SCN9A: variants seen among roughly 807,000 people sequenced by gnomAD.
SCN9A encodes sodium voltage-gated channel alpha subunit 9.
In SCN9A, 131 loss-of-function variants were observed where a neutral mutation model predicts 187.0. That is an observed-to-expected ratio of 0.70 (90% CI 0.61 to 0.81). SCN9A has a LOEUF of 0.81. SCN9A is among the 30% of genes least tolerant of loss of function. The probability of loss-of-function intolerance (pLI) is 0.00; values close to 1 mark genes in which losing one functional copy is unlikely to be tolerated. For synonymous variants in SCN9A, 809 were observed against 808.6 expected, an observed-to-expected ratio of 1.00 and a Z score of -0.01; for missense variants, 2,252 against 2,396.6, an observed-to-expected ratio of 0.94 and a Z score of 1.26.
intron 1 of SCN9A, among the ~76,000 whole-genome samples, chr2:166,324,503 T>C (rs4132347): frequency 1.2e-3 from 183 of 152,282 alleles, no homozygotes; most frequent in Non-Finnish European, 1.6e-3. Flanking sequence ...ATAGTGATTT[T>C]TTCCTGCAGG....
chr2:166,353,772 G>T (rs1700093592), intron 1 of SCN9A, among the ~76,000 whole-genome samples: 1 of 152,024 alleles, frequency 6.6e-6, no homozygotes, highest in Non-Finnish European at 1.5e-5. Flanking sequence ...TCCCCTAAAT[G>T]CGGATTTTTA....
At chr2:166,309,465 A>T (rs1309067662) in intron 2 of SCN9A, among the ~76,000 whole-genome samples, 3 of 152,194 alleles carry the variant, frequency 2.0e-5, no homozygotes, top group Non-Finnish European at 4.4e-5. Context: ...AACAATGTAT[A>T]CTATGTTATA....
intron 24 of SCN9A, among the ~76,000 whole-genome samples, chr2:166,223,462 T>G (rs1282009576): frequency 6.6e-6 from 1 of 152,218 alleles, no homozygotes; most frequent in Non-Finnish European, 1.5e-5. Context: ...GATAAATTTA[T>G]GCTGAGTGAA....
At chr2:166,324,752 A>G (rs959464486) in intron 1 of SCN9A, among the ~76,000 whole-genome samples, 5 of 152,178 alleles carry the variant, frequency 3.3e-5, no homozygotes, top group Non-Finnish European at 5.9e-5. Flanking sequence ...ATACCAATTC[A>G]GGAACATTCT....
At chr2:166,312,507 T>C (rs1698991717) in intron 1 of SCN9A, among the ~76,000 whole-genome samples, 1 of 152,210 alleles carries the variant, frequency 6.6e-6, no homozygotes, top group Non-Finnish European at 1.5e-5. Context: ...TTAATGTTTG[T>C]ATATTGCCCT....
chr2:166,253,836 C>A (rs1261242254), intron 17 of SCN9A, among the ~76,000 whole-genome samples: 1 of 151,716 alleles, frequency 6.6e-6, no homozygotes, highest in African/African-American at 2.4e-5. Flanking sequence ...ACAAAGCACC[C>A]CCCTGCTATT....
At chr2:166,273,717 TAAACATTGTTTTATCCAGGAAACAA>T (rs1324333855) in intron 16 of SCN9A, among the ~76,000 whole-genome samples, 3 of 152,282 alleles carry the variant, frequency 2.0e-5, no homozygotes, top group Admixed American at 6.5e-5. Context: ...AAATTATATT[TAAACATTGTTTTATCCAGGAAACAA>T]AAAAGGAAAT....
chr2:166,207,251 AGAT>A (rs1193763789), intron 24 of SCN9A, among the ~76,000 whole-genome samples: 2 of 152,328 alleles, frequency 1.3e-5, no homozygotes, highest in African/African-American at 4.8e-5. Context: ...CTGGAATTAA[AGAT>A]GACCTGGTTA....
intron 9 of SCN9A, among the ~76,000 whole-genome samples, 174 bp downstream of exon 9, chr2:166,293,057 C>T (rs183127828): frequency 5.5e-4 from 84 of 152,086 alleles, no homozygotes; most frequent in Admixed American, 1.0e-3. Flanking sequence ...ATTTATGATT[C>T]GAGAACTACC....
intron 1 of SCN9A, among the ~76,000 whole-genome samples, chr2:166,330,200 G>A (rs929022094): frequency 6.6e-6 from 1 of 151,980 alleles, no homozygotes; most frequent in African/African-American, 2.4e-5. Flanking sequence ...CAAGTTCCAG[G>A]TTAAATTCCC....
intron 4 of SCN9A, 36 bp downstream of exon 4, chr2:166,306,474 C>G (rs900403867): frequency 2.6e-6 from 3 of 1,174,320 alleles, no homozygotes; most frequent in South Asian, 1.3e-5. Context: ...AATGATAATA[C>G]CAAAACTATA....
chr2:166,360,784 G>C (rs182991290), intron 1 of SCN9A, among the ~76,000 whole-genome samples: 166 of 152,272 alleles, frequency 1.1e-3, no homozygotes, highest in African/African-American at 3.8e-3. Context: ...ATAACAGCAA[G>C]ATTATTATCC....
rs184275120 is a variant in SCN9A at position 166,343,719 on chromosome 2, C to T, written c.-50-31913G>A. 4.1e-3 allele frequency among the ~76,000 whole-genome samples: 623 copies of T among 152,030 alleles called. 2 individuals carry two copies. The highest frequency in any genetic ancestry group is 6.7e-3 in the Non-Finnish European group (455 of 67,976). ...GCTGAGACAGGATGTTTGCTTGAGC[C>T]CCTGGGGATGGAGGTTGCAGTGAAC... On this transcript the variant is annotated intron_variant, in intron 1 of 26. Coordinates refer to ENST00000642356, the MANE Select transcript of SCN9A (RefSeq NM_001365536.1).
chr2:166,245,825 C>T (rs554019727), intron 18 of SCN9A, among the ~76,000 whole-genome samples: 1 of 152,102 alleles, frequency 6.6e-6, no homozygotes, highest in East Asian at 1.9e-4. Flanking sequence ...TTTCAAGTAA[C>T]AACTTCAGAT....
chr2:166,228,067 T>C (rs1233915451), intron 22 of SCN9A, among the ~76,000 whole-genome samples: 8 of 152,066 alleles, frequency 5.3e-5, no homozygotes, highest in Non-Finnish European at 1.5e-5. Flanking sequence ...GGGAAGTTCC[T>C]CTCATCCCTT....
intron 7 of SCN9A, among the ~76,000 whole-genome samples, chr2:166,299,194 AC>A (rs1698450343): frequency 6.6e-6 from 1 of 151,356 alleles, no homozygotes; most frequent in African/African-American, 2.5e-5. Context: ...AAACATCCAT[AC>A]AAAAACCCAT....
At chr2:166,338,479 ATTTG>A (rs1699684881) in intron 1 of SCN9A, among the ~76,000 whole-genome samples, 1 of 151,846 alleles carries the variant, frequency 6.6e-6, no homozygotes, top group South Asian at 2.1e-4. Context: ...CATAACTTTT[ATTTG>A]TTTTTTAAAT....
intron 7 of SCN9A, among the ~76,000 whole-genome samples, chr2:166,299,884 A>G (rs1291535438): frequency 6.6e-6 from 1 of 150,848 alleles, no homozygotes; most frequent in Admixed American, 6.6e-5. Context: ...CTCATTAACC[A>G]TCACCACCCA....
At chr2:166,372,608 G>T (rs1296085920) in intron 1 of SCN9A, among the ~76,000 whole-genome samples, 1 of 151,990 alleles carries the variant, frequency 6.6e-6, no homozygotes, top group East Asian at 1.9e-4. Flanking sequence ...TTACCTTTAA[G>T]TACATTATCA....
Sources: gnomAD v4.1 joint callset for allele counts (sites outside exome capture counted in the v4.1 genomes callset) on GRCh38, gnomAD v4.1.1 for gene constraint, MANE v1.5 for transcripts, NCBI Gene and HGNC (gene_info 2026-07-23, HGNC 2026-07-21) for gene names.